The following TOM1 variants were observed in gnomAD, a reference collection of about 807,000 sequenced individuals.
The protein encoded by TOM1 is target of myb1 membrane trafficking protein, also known as target of Myb protein 1.
A neutral mutation model predicts 61.3 loss-of-function variants in TOM1; 38 were observed. The observed-to-expected ratio is 0.62, with a 90% CI of 0.48 to 0.81. TOM1 has a LOEUF of 0.81. TOM1 is among the 40% of genes least tolerant of loss of function. TOM1 has a pLI of 0.00. For missense variants in TOM1, 591 were observed against 659.6 expected, an observed-to-expected ratio of 0.90 and a Z score of 1.14; for synonymous variants, 270 against 268.8, an observed-to-expected ratio of 1.00 and a Z score of -0.04.
rs1927443313 is a variant in TOM1, at chr22:35,317,909, G to A, written c.85G>A (p.Asp29Asn). The change falls in exon 2 of 15, where the codon GAC (aspartate) becomes AAC (asparagine). Residue 29 changes from aspartate to asparagine, a missense_variant. Coordinates refer to ENST00000449058, the MANE Select transcript of TOM1 (RefSeq NM_005488.3). ...KATDGSLQSE[D>N]WALNMEICDI... ...CACAGATGGCTCCCTGCAGAGCGAG[G>A]ACTGGGCCCTCAACATGGAGATCTG... The A allele has an allele frequency of 1.9e-6, 3 of 1,614,120 alleles. No homozygotes were observed. The South Asian group carries it at 3.3e-5, about 18-fold the overall frequency.
chr22:35,317,878 G>C lies in TOM1; in HGVS notation c.54G>C (p.Glu18Asp). 2 of 1,613,982 alleles carry C rather than the reference G, an allele frequency of 1.2e-6. No homozygotes were observed. The highest frequency in any genetic ancestry group is 1.7e-6 in the Non-Finnish European group (2 of 1,179,920). The change falls in exon 2 of 15, where the codon GAG (glutamate) becomes GAC (aspartate). Residue 18 changes from glutamate to aspartate, a missense_variant and splice_region_variant. Coordinates refer to ENST00000449058, the MANE Select transcript of TOM1 (RefSeq NM_005488.3). ...TTATGACTCCTGGTTTCTTCTCAGA[G>C]AAAGCCACAGATGGCTCCCTGCAGA... ...PFSSPVGQRI[E>D]KATDGSLQSE...
At position 35,340,226 on chromosome 22, in the gene TOM1, C is replaced by G. The variant is rs898435692; in HGVS notation, c.1224+1438C>G. Among the ~76,000 whole-genome samples, 10 of 152,208 alleles carry G rather than the reference C, an allele frequency of 6.6e-5. No homozygotes were observed. In the South Asian group the frequency reaches 2.1e-3, roughly 32 times the overall value. On this transcript the variant is annotated intron_variant, in intron 12 of 14. Transcript: ENST00000449058. ...GTCCGGGGGAGTGAGGGTGGTGGAC[C>G]TGGGGCCGAGGAGGCTAGAGGAGGC... is the stretch of plus-strand genomic sequence containing the variant.
chr22:35,305,606 G>A (rs943473857), intron 1 of TOM1, among the ~76,000 whole-genome samples: 3 of 151,684 alleles, frequency 2.0e-5, no homozygotes, highest in Non-Finnish European at 4.4e-5. Flanking sequence ...GTTGCAGTGA[G>A]CCAAGATCAC....
At chr22:35,320,478 G>A (rs537378404) in intron 2 of TOM1, among the ~76,000 whole-genome samples, 1 of 151,852 alleles carries the variant, frequency 6.6e-6, no homozygotes, top group South Asian at 2.1e-4. Flanking sequence ...AGCCCTCCCC[G>A]ACCTCCCCCA....
rs1928080131 is a variant in TOM1, at chr22:35,323,893, C to T, written c.627C>T (p.Pro209=). ...PAPPILSGDT[P]IAPTPEQIGK... is the part of the protein sequence containing the mutation. ...CGCCCATACTCTCCGGTGACACGCC[C>T]ATAGCACCAACCCCGGAACAGGTAA... is the stretch of plus-strand genomic sequence containing the variant. The change falls in exon 6 of 15, where the codon CCC becomes CCT. Residue 209 remains proline, a synonymous_variant. Transcript: ENST00000449058. This position sits in a 1 kb window ranked among gnomAD's most constrained non-coding sequence, Gnocchi z 4.2. 4 of 1,583,734 alleles carry T rather than the reference C, an allele frequency of 2.5e-6. No individual in the cohort carries two copies. The highest frequency in any genetic ancestry group is 1.2e-5 in the South Asian group (1 of 86,328).
chr22:35,324,810 A>G lies in TOM1; in HGVS notation c.648+896A>G, dbSNP rs973337308. The stretch of plus-strand genomic sequence containing the variant: ...AGTGATCTACTCGTCTTGGCCTCCT[A>G]AAGTGCTGGGATTACAGGCATGAGC... On this transcript the variant is annotated intron_variant, in intron 6 of 14. Transcript: ENST00000449058. Among the ~76,000 whole-genome samples the G allele has an allele frequency of 9.2e-5, 14 of 152,174 alleles. 1 individual carries two copies. Among genetic ancestry groups the G allele is most frequent in the African/African-American group, 2.9e-4 (12 of 41,424 alleles).
At position 35,323,764 on chromosome 22, in the gene TOM1, C is replaced by A; in HGVS notation, c.502-4C>A. The A allele has an allele frequency of 1.9e-6, 3 of 1,604,814 alleles. No individual in the cohort carries two copies. The highest frequency in any genetic ancestry group is 1.7e-6 in the Non-Finnish European group (2 of 1,174,144). On this transcript the variant is annotated splice_polypyrimidine_tract_variant and splice_region_variant and intron_variant, in intron 5 of 14. Coordinates refer to ENST00000449058, the MANE Select transcript of TOM1 (RefSeq NM_005488.3). The surrounding 1 kb of genome is among the most constrained non-coding windows in gnomAD (Gnocchi z 4.2). ...CCTCACTGATCCTGTTTTCCTCCCA[C>A]TAGACCGTGTTCAACTCAGAGACAC...
At position 35,334,433 on chromosome 22, in the gene TOM1, C is replaced by T. The variant is rs146200939; in HGVS notation, c.1133C>T (p.Ala378Val). ...GCGCTGACACGGGGCAGCTCACTGG[C>T]TGACCAACGGAAAGAGTGAGTGGCC... ...MFALTRGSSL[A>V]DQRKEVKYEA... Residue 378 changes from alanine (A) to valine (V), a missense_variant, in exon 11 of 15, where the codon GCT becomes GTT. Physicochemically the swap from Ala to Val is moderately conservative, Grantham distance 64. Transcript: ENST00000449058. 2.3e-3 allele frequency: 3,668 copies of T among 1,614,052 alleles called. 4 individuals are homozygous for T. The highest frequency in any genetic ancestry group is 5.1e-3 in the Middle Eastern group (31 of 6,060).
At chr22:35,299,642 G>A (rs1925524882), upstream of TOM1, 1 of 485,658 alleles carries the variant, frequency 2.1e-6, no homozygotes. Context: ...CGCCCTAAAA[G>A]GTCAGGGGCG....
chr22:35,308,234 GTC>G (rs796065360), intron 1 of TOM1, among the ~76,000 whole-genome samples: 83 of 147,094 alleles, frequency 5.6e-4, no homozygotes, highest in Admixed American at 4.2e-3. Context: ...GTGTGTGTCT[GTC>G]TCTCTCTCTC....
intron 6 of TOM1, among the ~76,000 whole-genome samples, chr22:35,325,643 T>C (rs1370460559): frequency 1.3e-5 from 2 of 152,228 alleles, no homozygotes; most frequent in Non-Finnish European, 1.5e-5. Flanking sequence ...AGCTGCACTT[T>C]TTTTTTCTGA....
At chr22:35,313,616 CTA>C (rs2145629515) in intron 1 of TOM1, among the ~76,000 whole-genome samples, 1 of 152,358 alleles carries the variant, frequency 6.6e-6, no homozygotes, top group South Asian at 2.1e-4. Context: ...TGCCCACATT[CTA>C]TGAGTTAGGT....
At chr22:35,318,488 T>TG (rs1174264958) in intron 2 of TOM1, among the ~76,000 whole-genome samples, 1 of 152,226 alleles carries the variant, frequency 6.6e-6, no homozygotes, top group Non-Finnish European at 1.5e-5. Context: ...TTTCTGGTGT[T>TG]GGGGTCACGG....
intron 1 of TOM1, among the ~76,000 whole-genome samples, chr22:35,310,508 C>T (rs771605480): frequency 2.0e-5 from 3 of 152,076 alleles, no homozygotes; most frequent in African/African-American, 7.2e-5. Flanking sequence ...GAGCCGAGAT[C>T]GTGCCACTGC....
chr22:35,300,090 T>C, intron 1 of TOM1, 110 bp downstream of exon 1: 2 of 1,229,406 alleles, frequency 1.6e-6, no homozygotes, highest in Non-Finnish European at 2.3e-6. Flanking sequence ...GCAAGGAGGC[T>C]GGCGTGTAGC....
chr22:35,334,836 GC>G (rs1369097587), intron 11 of TOM1, among the ~76,000 whole-genome samples: 1 of 98,716 alleles, frequency 1.0e-5, no homozygotes. Flanking sequence ...TCCACCCCCC[GC>G]CCCCCTCCCT....
At chr22:35,345,870 A>T in intron 13 of TOM1, 86 bp downstream of exon 13, 1 of 1,388,532 alleles carries the variant, frequency 7.2e-7, no homozygotes, top group Non-Finnish European at 1.0e-6. Context: ...GGGTAGACTT[A>T]TATAGCATAT....
upstream of TOM1, chr22:35,299,831 C>A: frequency 7.0e-7 from 1 of 1,421,230 alleles, no homozygotes; most frequent in Non-Finnish European, 9.7e-7. Context: ...CCGCCCACGC[C>A]TCCTCGCCGG....
intron 7 of TOM1, among the ~76,000 whole-genome samples, chr22:35,328,544 C>T (rs867323153): frequency 3.3e-5 from 5 of 152,208 alleles, no homozygotes; most frequent in African/African-American, 1.2e-4. Flanking sequence ...AACCCGGGGG[C>T]CTGGCTCCAA....
Sources: gnomAD v4.1 joint callset for allele counts (sites outside exome capture counted in the v4.1 genomes callset) on GRCh38, gnomAD v4.1.1 for gene constraint, Gnocchi (gnomAD v3.1) non-coding constraint, MANE v1.5 for transcripts, NCBI Gene and HGNC (gene_info 2026-07-23, HGNC 2026-07-21) for gene names.